Variants in ERAP1 observed in about 807,000 individuals in gnomAD.
The protein encoded by ERAP1 is adipocyte-derived leucine aminopeptidase.
A neutral mutation model predicts 103.7 loss-of-function variants in ERAP1; 86 were observed. The observed-to-expected ratio is 0.83, with a 90% CI of 0.70 to 0.99. The LOEUF is 0.99. Ranked by LOEUF, ERAP1 falls within the 50% of genes least tolerant of loss-of-function variation. ERAP1 has a pLI of 0.00. For missense variants in ERAP1, 1,009 were observed against 1,128.4 expected (o/e 0.89, Z 1.52); for synonymous variants, 398 against 402.4 (o/e 0.99, Z 0.13).
the ERAP1 span, among the ~76,000 whole-genome samples, chr5:96,867,155 C>T: frequency 2.1e-3 from 323 of 151,968 alleles, 2 homozygotes; most frequent in African/African-American, 7.5e-3. Context: ...TATAGGCACC[C>T]GCCACCATGC....
chr5:96,815,414 A>T, the ERAP1 span, among the ~76,000 whole-genome samples: 86,193 of 140,270 alleles, frequency 0.61, 27,555 homozygotes, highest in Non-Finnish European at 0.72. Context: ...TTTGTTTTTT[A>T]TTTTTTTTTT....
chr5:96,896,717 TG>T, the ERAP1 span: 48 of 1,558,550 alleles, frequency 3.1e-5, no homozygotes, highest in East Asian at 7.9e-4. Context: ...TCAACTCTTT[TG>T]TTTTTTTTTA....
At chr5:96,826,564 C>T in the ERAP1 span, among the ~76,000 whole-genome samples, 1 of 152,150 alleles carries the variant, frequency 6.6e-6, no homozygotes, top group Admixed American at 6.5e-5. Context: ...AAAAAAGAGC[C>T]ACAAATGGGT....
chr5:96,792,645 C>A (rs1426468650), intron 7 of ERAP1, among the ~76,000 whole-genome samples: 2 of 152,020 alleles, frequency 1.3e-5, no homozygotes, highest in African/African-American at 4.8e-5. Flanking sequence ...CAATATGTAT[C>A]CATAATCATT....
At chr5:96,805,450 T>A (rs540699474) in intron 1 of ERAP1, among the ~76,000 whole-genome samples, 2 of 151,990 alleles carry the variant, frequency 1.3e-5, no homozygotes, top group South Asian at 4.2e-4. Flanking sequence ...TTCAACTCTA[T>A]GTGATAGGAT....
At chr5:96,906,090 A>G in the ERAP1 span, among the ~76,000 whole-genome samples, 6 of 152,080 alleles carry the variant, frequency 3.9e-5, no homozygotes, top group Admixed American at 1.3e-4. Context: ...CAATCTTTAC[A>G]AGAGGTGATA....
chr5:96,808,261 T>TGTGTGTGTGTGTGTGTGTG (rs1387638650), upstream of ERAP1: 31 of 837,690 alleles, frequency 3.7e-5, no homozygotes, highest in East Asian at 2.8e-4. Flanking sequence ...TGTGTGTGTG[T>TGTGTGTGTGTGTGTGTGTG]TGAGATGCTT....
intron 11 of ERAP1, among the ~76,000 whole-genome samples, chr5:96,787,561 C>A (rs246454): frequency 0.62 from 94,760 of 151,842 alleles, 29,755 homozygotes; most frequent in Non-Finnish European, 0.66. Context: ...CCACTGTGAC[C>A]GGCCATAAAT....
At chr5:96,852,211 T>A in the ERAP1 span, among the ~76,000 whole-genome samples, 1 of 152,240 alleles carries the variant, frequency 6.6e-6, no homozygotes, top group African/African-American at 2.4e-5. Flanking sequence ...TGGCCTTATA[T>A]ACTCAGGATC....
At chr5:96,835,668 C>T in the ERAP1 span, among the ~76,000 whole-genome samples, 1 of 152,158 alleles carries the variant, frequency 6.6e-6, no homozygotes, top group Non-Finnish European at 1.5e-5. Context: ...CCATGTTTTA[C>T]TGTACTATCA....
intron 10 of ERAP1, 53 bp from the exon 11 acceptor site, chr5:96,788,738 A>T: frequency 6.3e-7 from 1 of 1,599,440 alleles, no homozygotes; most frequent in Non-Finnish European, 8.5e-7. Context: ...CAACTCTAAG[A>T]AAAGAGAGAA....
the ERAP1 span, chr5:96,892,605 G>A: frequency 1.2e-6 from 1 of 826,202 alleles, no homozygotes; most frequent in Non-Finnish European, 1.8e-6. Context: ...AAGTAGCACA[G>A]TACTCAGTCT....
chr5:96,892,279 T>C, the ERAP1 span: 1,333 of 1,613,094 alleles, frequency 8.3e-4, 2 homozygotes, highest in South Asian at 1.6e-3. Flanking sequence ...AACTCAAGTA[T>C]GGTTGTTCTT....
rs748279183 is a variant in ERAP1 at position 96,803,399 on chromosome 5, A to G, written c.524+4T>C. 6 of 1,612,636 alleles carry G rather than the reference A, an allele frequency of 3.7e-6. No homozygotes were observed. The highest frequency in any genetic ancestry group is 5.1e-6 in the Non-Finnish European group (6 of 1,179,600). On this transcript the variant is annotated splice_donor_region_variant and intron_variant, in intron 2 of 18. Transcript: ENST00000443439. The stretch of plus-strand genomic sequence containing the variant: ...GTTTAAAAGAAAAAGAGAAAAAAAA[A>G]TACCTCAGTTCCCCTTCCTTGGTTC...
chr5:96,885,450 A>AT, the ERAP1 span, among the ~76,000 whole-genome samples: 11 of 152,172 alleles, frequency 7.2e-5, no homozygotes, highest in African/African-American at 2.7e-4. Flanking sequence ...TTCTTACAGT[A>AT]TTTTATCAGT....
chr5:96,774,099 T>G (rs370218062), downstream of ERAP1: 2 of 153,208 alleles, frequency 1.3e-5, no homozygotes, highest in African/African-American at 4.8e-5. Context: ...AAAACACTTT[T>G]CCTGAGGGAT....
the ERAP1 span, chr5:96,934,398 A>G: frequency 1.3e-5 from 2 of 152,250 alleles, no homozygotes; most frequent in Non-Finnish European, 2.9e-5. Flanking sequence ...AGCAGAAGAA[A>G]CAGTTCTTGT....
chr5:96,889,536 C>G, the ERAP1 span: 3 of 692,642 alleles, frequency 4.3e-6, no homozygotes, highest in South Asian at 5.1e-5. Flanking sequence ...TTAACGTTAA[C>G]ATATCTGCAT....
Position 96,797,276 on chromosome 5 carries a change from C to T in ERAP1, c.697G>A (p.Glu233Lys). 2 of 1,614,204 alleles carry T rather than the reference C, an allele frequency of 1.2e-6. No homozygotes were observed. Among genetic ancestry groups the T allele is most frequent in the African/African-American group, 2.7e-5 (2 of 75,070 alleles). The part of the protein sequence containing the change: ...KSVTVAEGLI[E>K]DHFDVTVKMS... ...TTCACAGTGACATCAAAATGGTCTT[C>T]TATGAGTCCTTCAGCAACAGTCACA... The change falls in exon 4 of 19, where the codon GAA becomes AAA. Residue 233 changes from glutamate to lysine, a missense_variant. By Grantham distance (56) the Glu-to-Lys change is moderately conservative (BLOSUM62 1). Transcript: ENST00000443439.
Sources: gnomAD v4.1 joint callset for allele counts (sites outside exome capture counted in the v4.1 genomes callset) on GRCh38, gnomAD v4.1.1 for gene constraint, MANE v1.5 for transcripts, NCBI Gene and HGNC (gene_info 2026-07-23, HGNC 2026-07-21) for gene names.